Variants in CDC42BPA observed in about 807,000 individuals in gnomAD.
The protein encoded by CDC42BPA is CDC42 binding protein kinase alpha, also known as serine/threonine-protein kinase MRCK alpha.
A neutral mutation model predicts 223.5 loss-of-function variants in CDC42BPA; 80 were observed. That is an observed-to-expected ratio of 0.36 (90% confidence interval 0.30 to 0.43). The LOEUF (loss-of-function observed/expected upper bound fraction) is 0.43, where lower values mean the gene tolerates loss of function less well. Ranked by LOEUF, CDC42BPA falls within the 20% of genes least tolerant of loss-of-function variation. The pLI is 1.00. For synonymous variants in CDC42BPA, 694 were observed against 718.6 expected (o/e 0.97, Z 0.55); for missense variants, 1,743 against 2,099.9 (o/e 0.83, Z 3.32).
chr1:227,293,121 TA>T (rs1192292865), intron 1 of CDC42BPA, among the ~76,000 whole-genome samples: 1 of 152,192 alleles, frequency 6.6e-6, no homozygotes, highest in Non-Finnish European at 1.5e-5. Flanking sequence ...ATTCTTTCAT[TA>T]ATCAAATAAA....
At chr1:227,155,176 A>C (rs76200068) in intron 6 of CDC42BPA, among the ~76,000 whole-genome samples, 3,171 of 152,294 alleles carry the variant, frequency 0.021, 125 homozygotes, top group African/African-American at 0.072. Context: ...ATTGGGAATA[A>C]ATAAAACATT....
At chr1:227,159,116 C>T (rs576800964) in intron 6 of CDC42BPA, among the ~76,000 whole-genome samples, 4 of 152,250 alleles carry the variant, frequency 2.6e-5, no homozygotes, top group African/African-American at 9.6e-5. Flanking sequence ...TAATTTGGTA[C>T]CAATTTAATC....
chr1:227,090,164 T>A (rs1396383997), intron 16 of CDC42BPA, among the ~76,000 whole-genome samples: 1 of 152,216 alleles, frequency 6.6e-6, no homozygotes, highest in African/African-American at 2.4e-5. Context: ...GTATGTTAGC[T>A]TTACAAGACT....
chr1:227,157,470 C>A (rs895150182), intron 6 of CDC42BPA, among the ~76,000 whole-genome samples: 1 of 152,162 alleles, frequency 6.6e-6, no homozygotes, highest in Non-Finnish European at 1.5e-5. Flanking sequence ...CTTACCATTT[C>A]TCCTCTGTAC....
intron 1 of CDC42BPA, among the ~76,000 whole-genome samples, chr1:227,279,008 CT>C (rs151079127): frequency 1.6e-3 from 226 of 142,224 alleles, no homozygotes; most frequent in Middle Eastern, 3.6e-3. Flanking sequence ...TGGTCCTAGC[CT>C]TTTTTTTTTT....
At position 227,091,988 on chromosome 1, in the gene CDC42BPA, T is replaced by G. The variant is rs774577218; in HGVS notation, c.2253A>C (p.Gln751His). ...CACTTTCAAATTCCTCCCTTTCACT[T>G]TGACTAACACAATTCAAAACACAAA... ...DKLEKTRRES[Q>H]SEREEFESEF... The change falls in exon 16 of 37, where the codon CAA (glutamine) becomes CAC (histidine). Residue 751 changes from glutamine (Q) to histidine (H), a missense_variant. Coordinates refer to ENST00000366766, the MANE Select transcript of CDC42BPA (RefSeq NM_001394014.1). 1.3e-6 allele frequency: 2 copies of G among 1,568,726 alleles called. No homozygotes were observed. Among genetic ancestry groups the G allele is most frequent in the Non-Finnish European group, 1.7e-6 (2 of 1,145,134 alleles).
chr1:227,186,142 T>G (rs1198274179), intron 5 of CDC42BPA, among the ~76,000 whole-genome samples: 1 of 152,076 alleles, frequency 6.6e-6, no homozygotes, highest in Non-Finnish European at 1.5e-5. Flanking sequence ...GGAGGTTCAG[T>G]GTGGACAAGC....
intron 11 of CDC42BPA, among the ~76,000 whole-genome samples, chr1:227,123,539 A>G (rs1689033702): frequency 6.6e-6 from 1 of 152,216 alleles, no homozygotes; most frequent in South Asian, 2.1e-4. Context: ...AAAAAATAAT[A>G]AAGTAGAAAA....
At position 227,253,987 on chromosome 1, in the gene CDC42BPA, T is replaced by A. The variant is rs1054196776; in HGVS notation, c.270+77A>T. The stretch of plus-strand genomic sequence containing the variant: ...TTAACAAGTAACAAGTAACAATACT[T>A]GTTAAATTCTCTCACAATTGTGTTC... On this transcript the variant is annotated intron_variant, in intron 2 of 36. Coordinates refer to ENST00000366766, the MANE Select transcript of CDC42BPA (RefSeq NM_001394014.1). 1.5e-5 allele frequency: 12 copies of A among 810,192 alleles called. 1 individual carries two copies. Among genetic ancestry groups the A allele is most frequent in the Admixed American group, 8.6e-5 (4 of 46,510 alleles). 50.2% of individuals were successfully genotyped at this position (810,192 alleles called of 1,614,324 possible).
At chr1:227,167,028 TAGG>T (rs1665162282) in intron 5 of CDC42BPA, among the ~76,000 whole-genome samples, 1 of 152,140 alleles carries the variant, frequency 6.6e-6, no homozygotes, top group East Asian at 1.9e-4. Context: ...CAAAGAAAAG[TAGG>T]TAGATAAACA....
chr1:227,199,480 A>C, intron 4 of CDC42BPA, 77 bp downstream of exon 4: 1 of 869,572 alleles, frequency 1.1e-6, no homozygotes, highest in Non-Finnish European at 1.9e-6. Context: ...ACCTACATTT[A>C]AACAATGCTT....
intron 1 of CDC42BPA, among the ~76,000 whole-genome samples, chr1:227,269,873 G>A (rs1392088643): frequency 2.0e-5 from 3 of 152,142 alleles, no homozygotes; most frequent in African/African-American, 4.8e-5. Context: ...AATGTTAGAA[G>A]TTTAAACTGG....
At chr1:227,116,897 T>C (rs116699241) in intron 12 of CDC42BPA, among the ~76,000 whole-genome samples, 1 of 152,274 alleles carries the variant, frequency 6.6e-6, no homozygotes, top group African/African-American at 2.4e-5. Context: ...AGCAGGAGAC[T>C]CTGGGCTTAT....
intron 5 of CDC42BPA, among the ~76,000 whole-genome samples, chr1:227,190,246 T>C (rs777411176): frequency 9.2e-5 from 14 of 152,174 alleles, no homozygotes; most frequent in Non-Finnish European, 1.6e-4. Context: ...GAAAACATGA[T>C]GTTGTGCAAA....
chr1:227,199,898 A>T (rs2150218458), intron 3 of CDC42BPA, among the ~76,000 whole-genome samples: 1 of 152,292 alleles, frequency 6.6e-6, no homozygotes, highest in Middle Eastern at 3.4e-3. Flanking sequence ...AAATGCACAG[A>T]ATAATTTAAG....
At chr1:227,120,820 C>T (rs1688535072) in intron 11 of CDC42BPA, among the ~76,000 whole-genome samples, 1 of 152,274 alleles carries the variant, frequency 6.6e-6, no homozygotes, top group African/African-American at 2.4e-5. Context: ...AATACCCAAC[C>T]TTTTTGGCAC....
At chr1:227,247,871 G>A (rs1681274476) in intron 2 of CDC42BPA, among the ~76,000 whole-genome samples, 1 of 152,094 alleles carries the variant, frequency 6.6e-6, no homozygotes, top group African/African-American at 2.4e-5. Flanking sequence ...GACAGAGTGT[G>A]ACTCCATCTC....
At chr1:227,064,012 C>T (rs1676473974) in intron 21 of CDC42BPA, among the ~76,000 whole-genome samples, 1 of 152,196 alleles carries the variant, frequency 6.6e-6, no homozygotes, top group Admixed American at 6.5e-5. Context: ...AAGTCCAGAA[C>T]TCAGCCTGCC....
chr1:227,114,082 A>G (rs1034188863), intron 12 of CDC42BPA, among the ~76,000 whole-genome samples: 3 of 151,886 alleles, frequency 2.0e-5, no homozygotes, highest in African/African-American at 7.3e-5. Flanking sequence ...TGCATCCATC[A>G]CCACAGGAAG....
Sources: gnomAD v4.1 joint callset for allele counts (sites outside exome capture counted in the v4.1 genomes callset) on GRCh38, gnomAD v4.1.1 for gene constraint, MANE v1.5 for transcripts, NCBI Gene and HGNC (gene_info 2026-07-23, HGNC 2026-07-21) for gene names.